RALGAPA2: variants seen among roughly 807,000 people sequenced by gnomAD.
RALGAPA2 encodes the protein Ral GTPase activating protein catalytic subunit alpha 2, also known as ral GTPase-activating protein subunit alpha-2.
Under a neutral mutation model 230.4 loss-of-function variants are expected in RALGAPA2, and 139 were observed. The ratio of observed to expected loss-of-function variants is 0.60; its 90% CI spans 0.53 to 0.69. The LOEUF (loss-of-function observed/expected upper bound fraction) is 0.69, where lower values mean the gene tolerates loss of function less well. Among genes scored for constraint, RALGAPA2 ranks in the 30% least tolerant of loss-of-function variants. The pLI is 0.00. For missense variants in RALGAPA2, 2,163 were observed against 2,276.0 expected (o/e 0.95, Z 1.01); for synonymous variants, 847 against 837.8 (o/e 1.01, Z -0.19).
chr20:20,432,543 CT>C (rs927544721), intron 37 of RALGAPA2, among the ~76,000 whole-genome samples: 2 of 152,118 alleles, frequency 1.3e-5, no homozygotes, highest in Non-Finnish European at 2.9e-5. Context: ...CCTAATCCCC[CT>C]GAGTGGAAGA....
intron 24 of RALGAPA2, 41 bp downstream of exon 24, chr20:20,546,663 A>G (rs1308519709): frequency 1.3e-6 from 2 of 1,537,608 alleles, no homozygotes; most frequent in Non-Finnish European, 1.7e-6. Flanking sequence ...GCGATTGTGA[A>G]GCCTCTTGGG....
chr20:20,535,663 T>C, intron 26 of RALGAPA2, 82 bp downstream of exon 26: 1 of 1,486,094 alleles, frequency 6.7e-7, no homozygotes, highest in Non-Finnish European at 9.0e-7. Flanking sequence ...AGAATAAGTG[T>C]TTTCTTTTGT....
intron 37 of RALGAPA2, among the ~76,000 whole-genome samples, chr20:20,413,800 G>A (rs2060112078): frequency 6.6e-6 from 1 of 152,212 alleles, no homozygotes; most frequent in African/African-American, 2.4e-5. Context: ...GGGCACAACC[G>A]CCCAAGGCCT....
chr20:20,469,576 TTGAAGTGGACGTTTATTTTAA>T (rs1179784524), intron 37 of RALGAPA2, among the ~76,000 whole-genome samples: 1 of 152,252 alleles, frequency 6.6e-6, no homozygotes, highest in African/African-American at 2.4e-5. Context: ...TATTGTTCTA[TTGAAGTGGACGTTTATTTTAA>T]AAAGCCACCA....
intron 3 of RALGAPA2, among the ~76,000 whole-genome samples, chr20:20,671,571 C>T (rs1356170386): frequency 1.3e-5 from 2 of 152,158 alleles, no homozygotes; most frequent in Admixed American, 6.5e-5. Context: ...CCTTCTAAAG[C>T]CAGAGACAGA....
chr20:20,461,732 T>G (rs891027926), intron 37 of RALGAPA2, among the ~76,000 whole-genome samples: 2 of 152,254 alleles, frequency 1.3e-5, no homozygotes, highest in African/African-American at 4.8e-5. Flanking sequence ...ATTCTGGAAC[T>G]CTGCTTATAA....
intron 37 of RALGAPA2, among the ~76,000 whole-genome samples, chr20:20,413,384 C>T (rs1433557944): frequency 6.6e-6 from 1 of 152,184 alleles, no homozygotes; most frequent in African/African-American, 2.4e-5. Context: ...TCTCTAAATG[C>T]AGGCTCTTCC....
intron 37 of RALGAPA2, among the ~76,000 whole-genome samples, chr20:20,439,096 C>T (rs536765571): frequency 4.7e-4 from 71 of 152,222 alleles, no homozygotes; most frequent in Non-Finnish European, 9.1e-4. Context: ...GACTAGGAGA[C>T]GTGACCTGGC....
chr20:20,513,168 G>C lies in RALGAPA2; in HGVS notation c.4201C>G (p.Leu1401Val), dbSNP rs1402586241. 1 of 1,548,938 alleles carries C rather than the reference G, an allele frequency of 6.5e-7. No homozygotes were observed. The highest frequency in any genetic ancestry group is 8.7e-7 in the Non-Finnish European group (1 of 1,151,594). Reference protein sequence around the residue: ...LSGGPAILHSLVSENHDNAHV... With the variant: ...LSGGPAILHSVVSENHDNAHV... ...GCATTGTCATGGTTCTCGCTGACAAGGCTGTGCAGTATGGCAGGGCCCCCA... is the reference window on the plus strand; with the variant it reads ...GCATTGTCATGGTTCTCGCTGACAACGCTGTGCAGTATGGCAGGGCCCCCA... The change falls in exon 32 of 40, where the codon CTT (leucine) becomes GTT (valine). Residue 1401 changes from leucine (L) to valine (V), a missense_variant. By Grantham distance (32) the Leu-to-Val change is conservative (BLOSUM62 1). Transcript: ENST00000202677.
intron 20 of RALGAPA2, among the ~76,000 whole-genome samples, chr20:20,582,188 G>A (rs1384729815): frequency 6.6e-6 from 1 of 151,860 alleles, no homozygotes; most frequent in African/African-American, 2.4e-5. Context: ...GTGTGTGTGT[G>A]TGTGTGTGTC....
intron 24 of RALGAPA2, among the ~76,000 whole-genome samples, chr20:20,537,137 A>C (rs1306666464): frequency 1.3e-5 from 2 of 152,230 alleles, no homozygotes; most frequent in Non-Finnish European, 2.9e-5. Flanking sequence ...TTTGCTGTTA[A>C]GAACAATTAA....
chr20:20,461,430 C>T (rs1020278646), intron 37 of RALGAPA2, among the ~76,000 whole-genome samples: 2 of 152,132 alleles, frequency 1.3e-5, no homozygotes, highest in Non-Finnish European at 2.9e-5. Context: ...AAACACACAT[C>T]ACAGCTAAGC....
chr20:20,602,143 C>T (rs1603023403), intron 15 of RALGAPA2, among the ~76,000 whole-genome samples: 1 of 152,158 alleles, frequency 6.6e-6, no homozygotes, highest in East Asian at 1.9e-4. Flanking sequence ...TTTCTCAATA[C>T]AAGAACAATA....
intron 36 of RALGAPA2, among the ~76,000 whole-genome samples, chr20:20,485,613 T>G (rs1036171346): frequency 6.6e-6 from 1 of 152,362 alleles, no homozygotes; most frequent in East Asian, 1.9e-4. Context: ...AAAAACATTT[T>G]ATTGGTGGTT....
At chr20:20,629,320 A>C in intron 10 of RALGAPA2, 43 bp downstream of exon 10, 1 of 1,107,732 alleles carries the variant, frequency 9.0e-7, no homozygotes, top group Non-Finnish European at 1.3e-6. Context: ...AAGAACTTGT[A>C]ACACACACAC....
chr20:20,586,427 A>T (rs1167200382), intron 18 of RALGAPA2, among the ~76,000 whole-genome samples: 1 of 152,236 alleles, frequency 6.6e-6, no homozygotes, highest in Non-Finnish European at 1.5e-5. Flanking sequence ...TCTGCAGATT[A>T]AGATCAGCCA....
chr20:20,559,241 A>C (rs570366855), intron 23 of RALGAPA2, among the ~76,000 whole-genome samples: 3 of 152,240 alleles, frequency 2.0e-5, no homozygotes, highest in Non-Finnish European at 4.4e-5. Context: ...CCCTGTGGTC[A>C]TTCAATTTTG....
intron 3 of RALGAPA2, among the ~76,000 whole-genome samples, chr20:20,660,900 G>A (rs547995362): frequency 6.6e-6 from 1 of 152,134 alleles, no homozygotes; most frequent in East Asian, 1.9e-4. Context: ...TGTACCTCCT[G>A]TGTGCTGTAC....
chr20:20,695,803 A>C (rs1301767759), intron 1 of RALGAPA2, among the ~76,000 whole-genome samples: 1 of 152,202 alleles, frequency 6.6e-6, no homozygotes, highest in Non-Finnish European at 1.5e-5. Context: ...CTTTCCATTG[A>C]GAAAAGACCA....
Sources: gnomAD v4.1 joint callset for allele counts (sites outside exome capture counted in the v4.1 genomes callset) on GRCh38, gnomAD v4.1.1 for gene constraint, MANE v1.5 for transcripts, NCBI Gene and HGNC (gene_info 2026-07-23, HGNC 2026-07-21) for gene names.